NEMP2: variants seen among roughly 807,000 people sequenced by gnomAD.
The protein encoded by NEMP2 is UPF0571 transmembrane protein.
A neutral mutation model predicts 54.2 loss-of-function variants in NEMP2; 53 were observed. The ratio of observed to expected loss-of-function variants is 0.98; its 90% CI spans 0.78 to 1.23. NEMP2 has a LOEUF of 1.23. Ranked by LOEUF, NEMP2 falls within the 50% of genes most tolerant of loss-of-function variation. The probability of loss-of-function intolerance (pLI) is 0.00; values close to 1 mark genes in which losing one functional copy is unlikely to be tolerated. For missense variants in NEMP2, 455 were observed against 511.3 expected (o/e 0.89, Z 1.06); for synonymous variants, 197 against 190.3 (o/e 1.04, Z -0.29).
the NEMP2 span, among the ~76,000 whole-genome samples, chr2:190,423,269 G>A: frequency 6.6e-6 from 1 of 152,112 alleles, no homozygotes; most frequent in African/African-American, 2.4e-5. This position sits in a 1 kb window ranked among gnomAD's most constrained non-coding sequence, Gnocchi z 4.3. Flanking sequence ...CCCTTGTATA[G>A]CCACCTCTAC....
the NEMP2 span, among the ~76,000 whole-genome samples, chr2:190,572,129 G>C: frequency 6.6e-6 from 1 of 151,910 alleles, no homozygotes; most frequent in Non-Finnish European, 1.5e-5. Flanking sequence ...AAATAGAGAA[G>C]GTCTGTTTTC....
rs1331083797 is a variant in NEMP2 at position 190,508,128 on chromosome 2, G to C, written c.*1061C>G. The C allele has an allele frequency of 1.3e-5, 2 of 152,210 alleles. No individual in the cohort carries two copies. The highest frequency in any genetic ancestry group is 2.1e-4 in the South Asian group (1 of 4,812). The allele number at this position is 152,210 out of a possible 1,614,324, so 9.4% of individuals were successfully genotyped here. A position where few individuals can be genotyped will look rare whatever the true frequency, so the allele number is the denominator to read the frequency against. On this transcript the variant is annotated 3_prime_UTR_variant, in exon 9 of 9. Transcript: ENST00000409150. The surrounding 1 kb of genome is among the most constrained non-coding windows in gnomAD (Gnocchi z 4.3). ...CTATAGCTAAACAATTTTTTAAATG[G>C]ATCAGTCAATTCAAAATATCACAAG... is the stretch of plus-strand genomic sequence containing the variant.
At chr2:190,475,016 C>G in the NEMP2 span, among the ~76,000 whole-genome samples, 113 of 152,228 alleles carry the variant, frequency 7.4e-4, no homozygotes, top group African/African-American at 2.7e-3. Flanking sequence ...ATTCAACAAC[C>G]CTTCATGCTA....
Position 190,523,688 on chromosome 2 carries a change from A to G in NEMP2, c.213+1575T>C, listed in dbSNP as rs746005879. 2.6e-5 allele frequency among the ~76,000 whole-genome samples: 4 copies of G among 152,264 alleles called. No individual in the cohort carries two copies. Among genetic ancestry groups the G allele is most frequent in the Non-Finnish European group, 5.9e-5 (4 of 68,040 alleles). On this transcript the variant is annotated intron_variant, in intron 2 of 8. Transcript: ENST00000409150. This position sits in a 1 kb window ranked among gnomAD's most constrained non-coding sequence, Gnocchi z 5.3. Reference sequence around the variant, plus strand: ...CATCTTGTTTGTTAGAAAGTAAAGTAGTGCTCAAAAATGCTAGGCACATGG... The same window carrying G: ...CATCTTGTTTGTTAGAAAGTAAAGTGGTGCTCAAAAATGCTAGGCACATGG...
In NEMP2 at chr2:190,510,359, A is replaced by T. The variant is rs749521737; in HGVS notation, c.1130+2T>A. The T allele has an allele frequency of 1.5e-5, 23 of 1,551,648 alleles. No homozygotes were observed. The East Asian group carries it at 5.4e-4, about 36-fold the overall frequency. On this transcript the variant is annotated splice_donor_variant, in intron 8 of 8. Transcript: ENST00000409150. LOFTEE classifies it high-confidence loss of function. This position sits in a 1 kb window ranked among gnomAD's most constrained non-coding sequence, Gnocchi z 5.7. ...TGGTCCGAGCAGCAGAGCGGGACTTACTTGCTAGGAGTGTGGAGTCTGGAG... is the reference window on the plus strand; with the variant it reads ...TGGTCCGAGCAGCAGAGCGGGACTTTCTTGCTAGGAGTGTGGAGTCTGGAG...
At chr2:190,500,000 G>GT (rs745756974), downstream of NEMP2, 21 of 1,613,898 alleles carry the variant, frequency 1.3e-5, no homozygotes, top group Non-Finnish European at 1.8e-5. The surrounding 1 kb of genome is among the most constrained non-coding windows in gnomAD (Gnocchi z 6.0). Flanking sequence ...GGCATCTCCT[G>GT]TTTTTTACCT....
At chr2:190,447,393 CT>C in the NEMP2 span, among the ~76,000 whole-genome samples, 1 of 152,104 alleles carries the variant, frequency 6.6e-6, no homozygotes, top group Non-Finnish European at 1.5e-5. The surrounding 1 kb of genome is among the most constrained non-coding windows in gnomAD (Gnocchi z 4.5). Flanking sequence ...AACTAGAGAG[CT>C]TTGGATTTGT....
chr2:190,437,562 G>GT, the NEMP2 span: 1 of 1,610,128 alleles, frequency 6.2e-7, no homozygotes, highest in East Asian at 2.2e-5. The surrounding 1 kb of genome is among the most constrained non-coding windows in gnomAD (Gnocchi z 5.9). Flanking sequence ...GCCACATCAG[G>GT]TAAGAACATG....
rs1690419869 is a variant in NEMP2 at position 190,512,937 on chromosome 2, TAA to T, written c.953+1514_953+1515del. Among the ~76,000 whole-genome samples, 1 of 152,216 alleles carries T rather than the reference TAA, an allele frequency of 6.6e-6. No homozygotes were observed. Among genetic ancestry groups the T allele is most frequent in the Non-Finnish European group, 1.5e-5 (1 of 68,032 alleles). On this transcript the variant is annotated intron_variant, in intron 7 of 8. Transcript: ENST00000409150. This position sits in a 1 kb window ranked among gnomAD's most constrained non-coding sequence, Gnocchi z 4.5. ...CACACACACACAGTCACCAGTTCCA[TAA>T]ACTACCAGTCACCATAGTGTCCTTC...
At chr2:190,538,066 T>C (rs1183965846), upstream of NEMP2, among the ~76,000 whole-genome samples, 1 of 152,180 alleles carries the variant, frequency 6.6e-6, no homozygotes, top group Admixed American at 6.5e-5. The surrounding 1 kb of genome is among the most constrained non-coding windows in gnomAD (Gnocchi z 4.1). Flanking sequence ...CTAAAGTGAC[T>C]AATCCACTCT....
chr2:190,452,601 G>C, the NEMP2 span, among the ~76,000 whole-genome samples: 3 of 152,208 alleles, frequency 2.0e-5, no homozygotes, highest in Admixed American at 1.3e-4. Flanking sequence ...CACAGGGTTA[G>C]ATTAGCAACT....
the NEMP2 span, among the ~76,000 whole-genome samples, chr2:190,462,581 C>T: frequency 6.6e-6 from 1 of 152,162 alleles, no homozygotes; most frequent in African/African-American, 2.4e-5. The surrounding 1 kb of genome is among the most constrained non-coding windows in gnomAD (Gnocchi z 5.7). Context: ...CCCAGGGTCT[C>T]AGTCTTCAGT....
chr2:190,633,134 C>G, the NEMP2 span, among the ~76,000 whole-genome samples: 1 of 152,104 alleles, frequency 6.6e-6, no homozygotes, highest in Non-Finnish European at 1.5e-5. Context: ...TCTGATTGCA[C>G]CCTCTGAATG....
At chr2:190,640,837 A>T in the NEMP2 span, 6 of 120,404 alleles carry the variant, frequency 5.0e-5, no homozygotes, top group Non-Finnish European at 8.1e-5. Flanking sequence ...TTTTTTAGCT[A>T]GATGGGTGAT....
At chr2:190,534,763 C>T, upstream of NEMP2, 1 of 834,174 alleles carries the variant, frequency 1.2e-6, no homozygotes, top group Non-Finnish European at 1.6e-6. Flanking sequence ...CGGTGAGGCC[C>T]GAACGCGGGA....
At chr2:190,621,505 T>C in the NEMP2 span, among the ~76,000 whole-genome samples, 1 of 152,186 alleles carries the variant, frequency 6.6e-6, no homozygotes, top group Non-Finnish European at 1.5e-5. Flanking sequence ...TGTTCATGGG[T>C]TGGAAGACTT....
chr2:190,502,477 A>C (rs1690068159), downstream of NEMP2, among the ~76,000 whole-genome samples: 1 of 152,074 alleles, frequency 6.6e-6, no homozygotes, highest in African/African-American at 2.4e-5. The surrounding 1 kb of genome is among the most constrained non-coding windows in gnomAD (Gnocchi z 4.4). Flanking sequence ...TGTGGATCCA[A>C]AGTGGTTAAC....
chr2:190,477,900 G>A, the NEMP2 span, among the ~76,000 whole-genome samples: 235 of 152,274 alleles, frequency 1.5e-3, 3 homozygotes, highest in African/African-American at 5.1e-3. Flanking sequence ...TCTGAAGGGC[G>A]AATAGGAATC....
the NEMP2 span, among the ~76,000 whole-genome samples, chr2:190,565,113 A>G: frequency 6.6e-6 from 1 of 152,320 alleles, no homozygotes; most frequent in East Asian, 1.9e-4. Flanking sequence ...CAGATACAGA[A>G]TATCAGCAGC....
Sources: allele counts gnomAD v4.1 joint callset (sites outside exome capture counted in the v4.1 genomes callset), GRCh38; gene constraint gnomAD v4.1.1; non-coding constraint Gnocchi (gnomAD v3.1); transcripts MANE v1.5; gene names NCBI Gene and HGNC (gene_info 2026-07-23, HGNC 2026-07-21).